The following ST8SIA6 variants were observed in gnomAD, a reference collection of about 807,000 sequenced individuals.
ST8SIA6 encodes ST8 alpha-N-acetyl-neuraminide alpha-2,8-sialyltransferase 6.
In ST8SIA6, 39 loss-of-function variants were observed where a neutral mutation model predicts 33.6. The observed-to-expected ratio is 1.16, with a 90% CI of 0.90 to 1.52. ST8SIA6 has a LOEUF of 1.52. Among genes scored for constraint, ST8SIA6 ranks in the 40% most tolerant of loss-of-function variants. The probability of loss-of-function intolerance (pLI) is 0.00; values close to 1 mark genes in which losing one functional copy is unlikely to be tolerated. For missense variants in ST8SIA6, 441 were observed against 443.8 expected (o/e 0.99, Z 0.06); for synonymous variants, 172 against 167.2 (o/e 1.03, Z -0.22).
chr10:17,335,449 C>T (rs1251068425), intron 4 of ST8SIA6, among the ~76,000 whole-genome samples: 3 of 152,154 alleles, frequency 2.0e-5, no homozygotes, highest in African/African-American at 7.2e-5. Flanking sequence ...CTTCTGAATT[C>T]CAATAATTCT....
At chr10:17,348,967 G>C (rs1397575299) in intron 4 of ST8SIA6, among the ~76,000 whole-genome samples, 1 of 152,116 alleles carries the variant, frequency 6.6e-6, no homozygotes, top group Non-Finnish European at 1.5e-5. Flanking sequence ...TTAATTTTCA[G>C]GGAATTCAGA....
At chr10:17,354,691 A>T (rs1165251914) in intron 4 of ST8SIA6, among the ~76,000 whole-genome samples, 1 of 152,176 alleles carries the variant, frequency 6.6e-6, no homozygotes, top group African/African-American at 2.4e-5. Context: ...TAACCATGCC[A>T]TCTTGGAAGG....
Position 17,375,204 on chromosome 10 carries a change from T to C in ST8SIA6, c.290+15327A>G, listed in dbSNP as rs188456135. ...GCTTTAAAAAGCAATCAAAGCACCA[T>C]AGATTTAAAGTAGAATGGAAACAAG... On this transcript the variant is annotated intron_variant, in intron 3 of 7. Coordinates refer to ENST00000377602, the MANE Select transcript of ST8SIA6 (RefSeq NM_001004470.3). Among the ~76,000 whole-genome samples the C allele has an allele frequency of 2.0e-5, 3 of 152,270 alleles. No individual in the cohort carries two copies. In the East Asian group the frequency reaches 5.8e-4, roughly 29 times the overall value.
chr10:17,372,518 T>C (rs1216960482), intron 3 of ST8SIA6, among the ~76,000 whole-genome samples: 1 of 152,214 alleles, frequency 6.6e-6, no homozygotes, highest in East Asian at 1.9e-4. Context: ...TTGTCTCACT[T>C]GTAAAATTAA....
rs550172024 is a variant in ST8SIA6 at position 17,348,160 on chromosome 10, C to T, written c.377+11354G>A. ...ATGTAAAGAAACCAATTTTCGTTGA[C>T]GGATTATAAACTTTTATTCAGTTAG... On this transcript the variant is annotated intron_variant, in intron 4 of 7. Coordinates refer to ENST00000377602, the MANE Select transcript of ST8SIA6 (RefSeq NM_001004470.3). Among the ~76,000 whole-genome samples the T allele has an allele frequency of 1.5e-3, 226 of 147,498 alleles. 1 individual carries two copies. The highest frequency in any genetic ancestry group is 2.7e-3 in the Non-Finnish European group (182 of 67,414).
At chr10:17,427,860 G>A (rs17141089) in intron 2 of ST8SIA6, among the ~76,000 whole-genome samples, 5,170 of 152,330 alleles carry the variant, frequency 0.034, 137 homozygotes, top group East Asian at 0.085. Flanking sequence ...AGGAGCAATG[G>A]CCTATCAGAA....
intron 3 of ST8SIA6, among the ~76,000 whole-genome samples, chr10:17,363,322 C>G (rs746775797): frequency 2.0e-5 from 3 of 151,940 alleles, no homozygotes; most frequent in Admixed American, 6.6e-5. Context: ...TGTTAAACTA[C>G]TACCCCCTTT....
chr10:17,426,112 C>T (rs1851931536), intron 2 of ST8SIA6, among the ~76,000 whole-genome samples: 1 of 152,190 alleles, frequency 6.6e-6, no homozygotes, highest in Non-Finnish European at 1.5e-5. Flanking sequence ...CTCCACCCTG[C>T]TGATACTACA....
chr10:17,400,643 G>A (rs1200929447), intron 2 of ST8SIA6, among the ~76,000 whole-genome samples: 4 of 152,116 alleles, frequency 2.6e-5, no homozygotes, highest in African/African-American at 4.8e-5. Flanking sequence ...ATCACTAAAC[G>A]TAATCCAGCA....
intron 2 of ST8SIA6, among the ~76,000 whole-genome samples, chr10:17,421,478 T>A (rs1851779541): frequency 6.6e-6 from 1 of 152,148 alleles, no homozygotes; most frequent in South Asian, 2.1e-4. Flanking sequence ...TGCAAAAAAA[T>A]TGTGTGTATA....
chr10:17,378,808 G>T (rs1219248722), intron 3 of ST8SIA6, among the ~76,000 whole-genome samples: 1 of 152,148 alleles, frequency 6.6e-6, no homozygotes, highest in Non-Finnish European at 1.5e-5. Flanking sequence ...CTGCTCCAAT[G>T]AGGGAATTTA....
chr10:17,348,767 G>T (rs1487644027), intron 4 of ST8SIA6, among the ~76,000 whole-genome samples: 1 of 152,122 alleles, frequency 6.6e-6, no homozygotes, highest in East Asian at 1.9e-4. Flanking sequence ...ACTGCTTTTG[G>T]CTTCTGGCTC....
At chr10:17,321,407 A>G in intron 7 of ST8SIA6, 61 bp from the exon 8 acceptor site, 1 of 1,372,914 alleles carries the variant, frequency 7.3e-7, no homozygotes, top group Non-Finnish European at 9.8e-7. Context: ...AGCAGTTTTG[A>G]TAACATAAAG....
At chr10:17,369,505 G>A (rs780094565) in intron 3 of ST8SIA6, among the ~76,000 whole-genome samples, 13 of 152,096 alleles carry the variant, frequency 8.5e-5, no homozygotes, top group South Asian at 2.1e-4. Flanking sequence ...GGTATATCCC[G>A]GAGAATGATT....
intron 2 of ST8SIA6, among the ~76,000 whole-genome samples, chr10:17,440,404 C>G (rs1270614612): frequency 6.6e-6 from 1 of 152,044 alleles, no homozygotes; most frequent in Non-Finnish European, 1.5e-5. Flanking sequence ...CGAGGTTTCA[C>G]TATGTTGGCC....
In ST8SIA6 at chr10:17,442,705, C is replaced by G. The variant is rs377377653; in HGVS notation, c.200+10854G>C. Among the ~76,000 whole-genome samples, 10 of 152,188 alleles carry G rather than the reference C, an allele frequency of 6.6e-5. No individual in the cohort carries two copies. In the East Asian group the frequency reaches 9.6e-4, roughly 15 times the overall value. On this transcript the variant is annotated intron_variant, in intron 2 of 7. Transcript: ENST00000377602. ...TTCAAATTCTTTGTTAATATACAGT[C>G]TGCCTTTAAGAAATAATTATAGATA...
intron 2 of ST8SIA6, among the ~76,000 whole-genome samples, chr10:17,407,780 G>C (rs1851320635): frequency 6.6e-6 from 1 of 152,096 alleles, no homozygotes; most frequent in African/African-American, 2.4e-5. Context: ...AAAGTCTCCT[G>C]GATCAAGTTC....
At chr10:17,382,411 C>G (rs1300444805) in intron 3 of ST8SIA6, among the ~76,000 whole-genome samples, 1 of 152,048 alleles carries the variant, frequency 6.6e-6, no homozygotes, top group Non-Finnish European at 1.5e-5. Context: ...GACTACAGGT[C>G]TCCGCCACCA....
chr10:17,338,534 A>G (rs1848575486), intron 4 of ST8SIA6, among the ~76,000 whole-genome samples: 1 of 152,208 alleles, frequency 6.6e-6, no homozygotes, highest in South Asian at 2.1e-4. Context: ...GTACCACCAT[A>G]GCATAGATAG....
Sources: allele counts gnomAD v4.1 joint callset (sites outside exome capture counted in the v4.1 genomes callset), GRCh38; gene constraint gnomAD v4.1.1; transcripts MANE v1.5; gene names NCBI Gene and HGNC (gene_info 2026-07-23, HGNC 2026-07-21).